Variants in UBE2O observed in about 807,000 individuals in gnomAD.
The protein encoded by UBE2O is (E3-independent) E2 ubiquitin-conjugating enzyme.
In UBE2O, 15 loss-of-function variants were observed where a neutral mutation model predicts 125.8. The observed-to-expected ratio is 0.12, with a 90% CI of 0.08 to 0.18. UBE2O has a LOEUF of 0.18. UBE2O is among the 10% of genes least tolerant of loss of function. The pLI is 1.00. For missense variants in UBE2O, 1,280 were observed against 1,723.6 expected (o/e 0.74, Z 4.56); for synonymous variants, 708 against 703.2 (o/e 1.01, Z -0.11).
Position 76,390,897 on chromosome 17 carries a change from C to T in UBE2O, c.*46G>A, listed in dbSNP as rs763008379. On this transcript the variant is annotated 3_prime_UTR_variant, in exon 18 of 18. Coordinates refer to ENST00000319380, the MANE Select transcript of UBE2O (RefSeq NM_022066.4). ...ATTCCGGGGGGGAGTGAGCAGGCGG[C>T]GGCTGGCCTCTCCCACGGTGATGCT... is the stretch of plus-strand genomic sequence containing the variant. 5.5e-5 allele frequency: 84 copies of T among 1,537,896 alleles called. No individual in the cohort carries two copies. Among genetic ancestry groups the T allele is most frequent in the South Asian group, 1.5e-4 (12 of 79,158 alleles).
intron 1 of UBE2O, among the ~76,000 whole-genome samples, chr17:76,423,680 G>A (rs1046357406): frequency 8.1e-6 from 1 of 123,498 alleles, no homozygotes; most frequent in Non-Finnish European, 1.7e-5. Flanking sequence ...GTGACAGAGG[G>A]ACACTCCATC....
intron 1 of UBE2O, among the ~76,000 whole-genome samples, chr17:76,448,747 C>T (rs2073188000): frequency 6.6e-6 from 1 of 152,264 alleles, no homozygotes; most frequent in Non-Finnish European, 1.5e-5. Flanking sequence ...CTGTTCTGCC[C>T]AACCATGACA....
chr17:76,402,188 C>A lies in UBE2O; in HGVS notation c.687-61G>T, dbSNP rs774372541. 3.4e-5 allele frequency: 53 copies of A among 1,540,412 alleles called. No individual in the cohort carries two copies. Among genetic ancestry groups the A allele is most frequent in the Non-Finnish European group, 4.5e-5 (51 of 1,122,082 alleles). On this transcript the variant is annotated intron_variant, in intron 4 of 17. Transcript: ENST00000319380. The surrounding 1 kb of genome is among the most constrained non-coding windows in gnomAD (Gnocchi z 5.4). ...GGACACAGTGAGTACCAAAAAGTTG[C>A]GATTCTGAGATGCCAATGCGCCCAC...
At chr17:76,434,860 T>C (rs1327859348) in intron 1 of UBE2O, among the ~76,000 whole-genome samples, 1 of 151,448 alleles carries the variant, frequency 6.6e-6, no homozygotes, top group African/African-American at 2.4e-5. Context: ...CAAATACCTC[T>C]GTTATAGTCC....
intron 1 of UBE2O, among the ~76,000 whole-genome samples, chr17:76,426,810 C>T (rs569526163): frequency 2.1e-4 from 32 of 152,194 alleles, no homozygotes; most frequent in Non-Finnish European, 3.7e-4. Context: ...TTCAGATTTA[C>T]CTGCACTTCC....
chr17:76,412,505 A>G (rs993160449), intron 1 of UBE2O, among the ~76,000 whole-genome samples: 4 of 151,940 alleles, frequency 2.6e-5, no homozygotes, highest in Admixed American at 2.0e-4. Context: ...AGAGCTTCCA[A>G]TTGTGCTGGG....
intron 1 of UBE2O, among the ~76,000 whole-genome samples, chr17:76,426,593 G>T (rs1292804342): frequency 6.6e-6 from 1 of 151,936 alleles, no homozygotes; most frequent in East Asian, 1.9e-4. Flanking sequence ...CTATTCTTTT[G>T]GTGGTTACCC....
intron 1 of UBE2O, among the ~76,000 whole-genome samples, chr17:76,418,967 C>T (rs1385562935): frequency 6.6e-6 from 1 of 152,050 alleles, no homozygotes; most frequent in Non-Finnish European, 1.5e-5. Flanking sequence ...TTAATGTTCC[C>T]TAGGTGAATC....
intron 1 of UBE2O, among the ~76,000 whole-genome samples, chr17:76,420,858 T>C (rs538402270): frequency 3.2e-4 from 48 of 152,108 alleles, no homozygotes; most frequent in African/African-American, 1.1e-3. Flanking sequence ...CCCCAGTGAG[T>C]TGGCAGGGAC....
intron 1 of UBE2O, among the ~76,000 whole-genome samples, chr17:76,424,790 C>A (rs1345036261): frequency 6.6e-6 from 1 of 151,706 alleles, no homozygotes; most frequent in African/African-American, 2.4e-5. Context: ...TGCACTCCAG[C>A]CCGGGCAACA....
At chr17:76,443,084 G>C (rs2073099606) in intron 1 of UBE2O, among the ~76,000 whole-genome samples, 2 of 152,122 alleles carry the variant, frequency 1.3e-5, no homozygotes. Context: ...GCAGGAGTTA[G>C]TACCAGACAT....
chr17:76,440,061 T>C (rs936576503), intron 1 of UBE2O, among the ~76,000 whole-genome samples: 1 of 152,120 alleles, frequency 6.6e-6, no homozygotes, highest in African/African-American at 2.4e-5. Flanking sequence ...TCTCTTACCT[T>C]CCGGCTGGGG....
At chr17:76,415,130 A>G (rs1184764795) in intron 1 of UBE2O, among the ~76,000 whole-genome samples, 1 of 152,098 alleles carries the variant, frequency 6.6e-6, no homozygotes, top group Non-Finnish European at 1.5e-5. Flanking sequence ...CCCTGAGAAC[A>G]AGAAGGGAGT....
chr17:76,401,854 C>T lies in UBE2O; in HGVS notation c.750+210G>A, dbSNP rs578206791. ...TCGCACCGTTGCACTCCAGCCTGGG[C>T]GACAGTGAGACTCTGTCTCAAAAAA... On this transcript the variant is annotated intron_variant, in intron 5 of 17. Transcript: ENST00000319380. 282 of 379,056 alleles carry T rather than the reference C, an allele frequency of 7.4e-4. 1 individual carries two copies. Among genetic ancestry groups the T allele is most frequent in the Non-Finnish European group, 1.1e-3 (254 of 220,980 alleles). 23.5% of individuals were successfully genotyped at this position (379,056 alleles called of 1,614,324 possible). A position where few individuals can be genotyped will look rare whatever the true frequency, so the allele number is the denominator to read the frequency against.
intron 1 of UBE2O, among the ~76,000 whole-genome samples, chr17:76,409,392 C>T (rs1459064849): frequency 6.6e-6 from 1 of 151,186 alleles, no homozygotes; most frequent in East Asian, 2.0e-4. Flanking sequence ...TTAAAATGAA[C>T]ACACACTACT....
rs752881580 is a variant in UBE2O at position 76,391,609 on chromosome 17, C to T, written c.3213G>A (p.Leu1071=). Residue 1071 remains leucine, a synonymous_variant, in exon 18 of 18, where the codon CTG becomes CTA. Coordinates refer to ENST00000319380, the MANE Select transcript of UBE2O (RefSeq NM_022066.4). The surrounding 1 kb of genome is among the most constrained non-coding windows in gnomAD (Gnocchi z 8.4). ...LLQVLISIQG[L]ILVNEPYYNE... ...TGTAGTATGGTTCATTTACCAGGAT[C>T]AGACCTGTGTGGGCGGGACACCTTC... 6.2e-7 allele frequency: 1 copy of T among 1,611,552 alleles called. No homozygotes were observed. Among genetic ancestry groups the T allele is most frequent in the Admixed American group, 1.7e-5 (1 of 59,952 alleles).
Position 76,405,427 on chromosome 17 carries a change from C to A in UBE2O, c.477+86G>T. Reference sequence around the variant, plus strand: ...CCCCTGCAGAGCTGGCCAGTTCTCCCACATGCAGAGTGCGAGGTGGGCAGG... The same window carrying A: ...CCCCTGCAGAGCTGGCCAGTTCTCCAACATGCAGAGTGCGAGGTGGGCAGG... On this transcript the variant is annotated intron_variant, in intron 2 of 17. Transcript: ENST00000319380. This position sits in a 1 kb window ranked among gnomAD's most constrained non-coding sequence, Gnocchi z 6.1. 1 of 1,524,500 alleles carries A rather than the reference C, an allele frequency of 6.6e-7. No homozygotes were observed. The highest frequency in any genetic ancestry group is 9.0e-7 in the Non-Finnish European group (1 of 1,116,952). 94.4% of individuals were successfully genotyped at this position (1,524,500 alleles called of 1,614,324 possible).
chr17:76,421,517 C>G (rs1225505055), intron 1 of UBE2O, among the ~76,000 whole-genome samples: 1 of 152,168 alleles, frequency 6.6e-6, no homozygotes, highest in Non-Finnish European at 1.5e-5. Context: ...AGGCATGTGC[C>G]ACCACGCCCA....
rs1034374200 is a variant in UBE2O at position 76,434,297 on chromosome 17, G to A, written c.417+18428C>T. ...ACCCCACCTGCAATAAGCACACGGT[G>A]GCTGAAAACTCCTTCTTATTCTGAT... On this transcript the variant is annotated intron_variant, in intron 1 of 17. Coordinates refer to ENST00000319380, the MANE Select transcript of UBE2O (RefSeq NM_022066.4). Among the ~76,000 whole-genome samples the A allele has an allele frequency of 2.0e-5, 3 of 152,236 alleles. No homozygotes were observed. The South Asian group carries it at 6.2e-4, about 32-fold the overall frequency.
Sources: gnomAD v4.1 joint callset for allele counts (sites outside exome capture counted in the v4.1 genomes callset) on GRCh38, gnomAD v4.1.1 for gene constraint, Gnocchi (gnomAD v3.1) non-coding constraint, MANE v1.5 for transcripts, NCBI Gene and HGNC (gene_info 2026-07-23, HGNC 2026-07-21) for gene names.